Variants in SUPT3H observed in about 807,000 individuals in gnomAD.
The protein encoded by SUPT3H is transcription initiation protein SPT3 homolog.
Under a neutral mutation model 44.3 loss-of-function variants are expected in SUPT3H, and 44 were observed. That is an observed-to-expected ratio of 0.99 (90% CI 0.78 to 1.28). The LOEUF is 1.28. Among genes scored for constraint, SUPT3H ranks in the 50% most tolerant of loss-of-function variants. SUPT3H has a pLI of 0.00. For synonymous variants in SUPT3H, 124 were observed against 125.6 expected, an observed-to-expected ratio of 0.99 and a Z score of 0.09; for missense variants, 380 against 387.1, an observed-to-expected ratio of 0.98 and a Z score of 0.15.
Position 44,908,141 on chromosome 6 carries a change from T to C in SUPT3H, c.912+24512A>G, listed in dbSNP as rs909170312. On this transcript the variant is annotated intron_variant, in intron 10 of 10. Coordinates refer to ENST00000371459, the MANE Select transcript of SUPT3H (RefSeq NM_003599.4). The stretch of plus-strand genomic sequence containing the variant: ...ATGTAGCAAGATTTTTAGAAATAAC[T>C]TTTTTTTCTTTTCTTTTTTTTTTTT... 2.7e-5 allele frequency among the ~76,000 whole-genome samples: 4 copies of C among 150,210 alleles called. No individual in the cohort carries two copies. The Admixed American group carries it at 2.7e-4, about 10-fold the overall frequency.
At chr6:44,910,049 C>A (rs1766766014) in intron 10 of SUPT3H, among the ~76,000 whole-genome samples, 1 of 152,270 alleles carries the variant, frequency 6.6e-6, no homozygotes, top group South Asian at 2.1e-4. Context: ...GATTTCTGGG[C>A]TGCAGTTCCC....
intron 10 of SUPT3H, among the ~76,000 whole-genome samples, chr6:44,885,442 A>G (rs1358394660): frequency 6.6e-6 from 1 of 152,144 alleles, no homozygotes; most frequent in Non-Finnish European, 1.5e-5. Flanking sequence ...ATCAGACAGC[A>G]GCATTCGCGG....
At chr6:45,150,063 A>G (rs1387841835) in intron 2 of SUPT3H, among the ~76,000 whole-genome samples, 1 of 152,134 alleles carries the variant, frequency 6.6e-6, no homozygotes, top group African/African-American at 2.4e-5. Flanking sequence ...GCTCCTCAGA[A>G]TGGTTACAAA....
chr6:44,850,350 C>T (rs1772658509), intron 10 of SUPT3H, among the ~76,000 whole-genome samples: 2 of 152,112 alleles, frequency 1.3e-5, no homozygotes, highest in Admixed American at 1.3e-4. Context: ...TCTTTAGTCT[C>T]TCAGAAATTC....
At chr6:45,322,571 A>C (rs1043955582) in intron 2 of SUPT3H, among the ~76,000 whole-genome samples, 4 of 152,072 alleles carry the variant, frequency 2.6e-5, no homozygotes, top group African/African-American at 9.7e-5. Flanking sequence ...CATTTTCAAT[A>C]TATTTTCTAT....
chr6:45,293,693 A>G (rs1052149133), intron 2 of SUPT3H, among the ~76,000 whole-genome samples: 2 of 152,178 alleles, frequency 1.3e-5, no homozygotes, highest in Non-Finnish European at 2.9e-5. Context: ...AGACCCTTCA[A>G]GGCTACTATG....
chr6:45,079,999 A>C (rs1371957021), intron 3 of SUPT3H, among the ~76,000 whole-genome samples: 1 of 152,218 alleles, frequency 6.6e-6, no homozygotes, highest in Non-Finnish European at 1.5e-5. Flanking sequence ...AACAATCAAC[A>C]AAGTAAGAGA....
chr6:45,102,921 AGAGT>A (rs538805002), intron 3 of SUPT3H, among the ~76,000 whole-genome samples: 54 of 152,000 alleles, frequency 3.6e-4, no homozygotes, highest in Non-Finnish European at 7.4e-4. Flanking sequence ...CCTGGACGAC[AGAGT>A]GAGACTCCGT....
chr6:45,285,958 T>C (rs1234985150), intron 2 of SUPT3H, among the ~76,000 whole-genome samples: 2 of 145,966 alleles, frequency 1.4e-5, no homozygotes, highest in Non-Finnish European at 3.0e-5. Context: ...TACAACTATC[T>C]GATCTTTGAC....
chr6:45,310,959 G>A (rs951020202), intron 2 of SUPT3H, among the ~76,000 whole-genome samples: 4 of 152,200 alleles, frequency 2.6e-5, no homozygotes, highest in Non-Finnish European at 5.9e-5. Context: ...AAGAATTCAG[G>A]AAGTTAGTTA....
At chr6:44,991,956 C>G (rs1252642446) in intron 6 of SUPT3H, among the ~76,000 whole-genome samples, 1 of 152,134 alleles carries the variant, frequency 6.6e-6, no homozygotes, top group Non-Finnish European at 1.5e-5. Context: ...TAACAACCAT[C>G]TGCCCACCTA....
chr6:44,881,569 A>C (rs9472391), intron 10 of SUPT3H, among the ~76,000 whole-genome samples: 17,859 of 152,230 alleles, frequency 0.12, 1,240 homozygotes, highest in African/African-American at 0.19. Flanking sequence ...CTCCACCCCA[A>C]ATCAACAGAA....
intron 6 of SUPT3H, among the ~76,000 whole-genome samples, chr6:44,963,958 A>G (rs142671667): frequency 0.013 from 1,975 of 151,032 alleles, 18 homozygotes; most frequent in Non-Finnish European, 0.02. Flanking sequence ...AGATCACGCC[A>G]CTGCACTCCA....
At chr6:44,941,690 A>G (rs1772461685) in intron 9 of SUPT3H, among the ~76,000 whole-genome samples, 1 of 152,174 alleles carries the variant, frequency 6.6e-6, no homozygotes, top group Non-Finnish European at 1.5e-5. Context: ...AATTTTATAG[A>G]TGAAAGAGTG....
chr6:45,029,377 ATG>A (rs1038186219), intron 3 of SUPT3H, among the ~76,000 whole-genome samples: 6 of 150,750 alleles, frequency 4.0e-5, no homozygotes, highest in East Asian at 1.9e-4. Flanking sequence ...TCTTTAAAAT[ATG>A]TGTGTGTACA....
intron 3 of SUPT3H, among the ~76,000 whole-genome samples, chr6:45,080,090 ACAATT>A (rs1795583785): frequency 6.6e-6 from 1 of 152,202 alleles, no homozygotes; most frequent in African/African-American, 2.4e-5. Flanking sequence ...AGGAGCTCAA[ACAATT>A]CAATAGGAAA....
intron 10 of SUPT3H, among the ~76,000 whole-genome samples, chr6:44,902,610 A>G (rs978399083): frequency 2.6e-5 from 4 of 152,298 alleles, no homozygotes; most frequent in Middle Eastern, 3.4e-3. Context: ...TGTCAATATT[A>G]GACACATCAA....
intron 2 of SUPT3H, among the ~76,000 whole-genome samples, chr6:45,210,954 T>A (rs1763989471): frequency 6.6e-6 from 1 of 152,146 alleles, no homozygotes; most frequent in African/African-American, 2.4e-5. Context: ...AAAAGTAAAG[T>A]AAGCTCCCAT....
intron 2 of SUPT3H, among the ~76,000 whole-genome samples, chr6:45,282,562 C>T (rs578099632): frequency 3.9e-5 from 6 of 152,232 alleles, no homozygotes; most frequent in African/African-American, 1.2e-4. Flanking sequence ...ACAAACAAAG[C>T]CTCCAAGAAA....
Sources: allele counts gnomAD v4.1 joint callset (sites outside exome capture counted in the v4.1 genomes callset), GRCh38; gene constraint gnomAD v4.1.1; transcripts MANE v1.5; gene names NCBI Gene and HGNC (gene_info 2026-07-23, HGNC 2026-07-21).